The following DNAAF9 variants were observed in gnomAD, a reference collection of about 807,000 sequenced individuals.
DNAAF9 encodes shulin.
In DNAAF9, 90 loss-of-function variants were observed where a neutral mutation model predicts 167.0. The observed-to-expected ratio is 0.54, with a 90% CI of 0.45 to 0.64. The LOEUF is 0.64. Ranked by LOEUF, DNAAF9 falls within the 30% of genes least tolerant of loss-of-function variation. The probability of loss-of-function intolerance (pLI) is 0.00; values close to 1 mark genes in which losing one functional copy is unlikely to be tolerated. For missense variants in DNAAF9, 1,315 were observed against 1,442.2 expected, an observed-to-expected ratio of 0.91 and a Z score of 1.43; for synonymous variants, 491 against 508.8, an observed-to-expected ratio of 0.96 and a Z score of 0.47.
At chr20:3,282,291 A>G (rs1343444681) in intron 27 of DNAAF9, among the ~76,000 whole-genome samples, 1 of 151,704 alleles carries the variant, frequency 6.6e-6, no homozygotes, top group Non-Finnish European at 1.5e-5. Flanking sequence ...CAGCAGATGG[A>G]CTCTACTCTT....
At chr20:3,350,409 ATG>A (rs2070299190) in intron 7 of DNAAF9, among the ~76,000 whole-genome samples, 2 of 152,240 alleles carry the variant, frequency 1.3e-5, no homozygotes, top group African/African-American at 2.4e-5. Flanking sequence ...ACAAAAAAAA[ATG>A]TGTGTGTGTA....
intron 20 of DNAAF9, among the ~76,000 whole-genome samples, chr20:3,308,758 C>T (rs1440565872): frequency 6.6e-6 from 1 of 151,498 alleles, no homozygotes; most frequent in African/African-American, 2.4e-5. Flanking sequence ...GGGAGCTTCA[C>T]GTGAGGCCTG....
chr20:3,304,835 G>A (rs2069260728), intron 20 of DNAAF9, among the ~76,000 whole-genome samples: 1 of 152,138 alleles, frequency 6.6e-6, no homozygotes, highest in African/African-American at 2.4e-5. Context: ...TATCTTCCAC[G>A]GAAACACACT....
chr20:3,265,440 G>A (rs1003826331), intron 30 of DNAAF9, among the ~76,000 whole-genome samples: 22 of 151,364 alleles, frequency 1.5e-4, no homozygotes, highest in Middle Eastern at 3.4e-3. Flanking sequence ...GGTGGCACGC[G>A]CCTGTAGTCC....
chr20:3,352,865 C>T (rs960969574), intron 7 of DNAAF9, among the ~76,000 whole-genome samples: 3 of 131,504 alleles, frequency 2.3e-5, no homozygotes, highest in Non-Finnish European at 5.0e-5. Flanking sequence ...TATATATATG[C>T]ATAAATATAT....
intron 32 of DNAAF9, 56 bp from the exon 33 acceptor site, chr20:3,259,610 G>T: frequency 8.2e-7 from 1 of 1,221,240 alleles, no homozygotes; most frequent in Non-Finnish European, 1.2e-6. Flanking sequence ...GCCAAATTCA[G>T]GACAGCACAG....
At chr20:3,350,132 G>GACACACACAC (rs1306670611) in intron 7 of DNAAF9, among the ~76,000 whole-genome samples, 29 of 137,550 alleles carry the variant, frequency 2.1e-4, no homozygotes, top group Non-Finnish European at 3.5e-4. Context: ...CAGACACACA[G>GACACACACAC]ACACACAGAC....
At chr20:3,328,641 A>G (rs1460902059) in intron 12 of DNAAF9, among the ~76,000 whole-genome samples, 2 of 152,142 alleles carry the variant, frequency 1.3e-5, no homozygotes. Context: ...TAGCATAAGG[A>G]TCCAGGACAG....
chr20:3,330,606 C>G (rs2069808288), intron 12 of DNAAF9, 40 bp downstream of exon 12: 1 of 1,331,330 alleles, frequency 7.5e-7, no homozygotes, highest in African/African-American at 1.5e-5. Flanking sequence ...AACTGAGTAA[C>G]TCAACTTTGA....
At chr20:3,328,939 G>A (rs900892382) in intron 12 of DNAAF9, among the ~76,000 whole-genome samples, 2 of 146,876 alleles carry the variant, frequency 1.4e-5, no homozygotes, top group African/African-American at 2.5e-5. Context: ...GCGCTATCTC[G>A]GCTCACTGCA....
chr20:3,298,123 A>C lies in DNAAF9; in HGVS notation c.1835T>G (p.Leu612Arg). The change falls in exon 22 of 37, where the codon CTT becomes CGT. Residue 612 changes from leucine (L) to arginine (R), a missense_variant. Physicochemically the swap from Leu to Arg is moderately radical, Grantham distance 102. This residue lies in a region of DNAAF9 where 981 missense variants were observed against 1,012.5 expected (regional missense o/e 0.97). Coordinates refer to ENST00000252032, the MANE Select transcript of DNAAF9 (RefSeq NM_001009984.3). ...ALLIDFKSSL[L>R]PHLPVHFHGS... ...ATGGAAATGAACTGGGAGGTGAGGA[A>C]GCAATGAGCTTTTGAAGTCTATGAG... The C allele has an allele frequency of 6.2e-7, 1 of 1,613,250 alleles. No individual in the cohort carries two copies. Among genetic ancestry groups the C allele is most frequent in the East Asian group, 2.2e-5 (1 of 44,876 alleles).
chr20:3,363,808 G>A (rs879859677), intron 6 of DNAAF9, among the ~76,000 whole-genome samples: 17 of 151,828 alleles, frequency 1.1e-4, no homozygotes, highest in Non-Finnish European at 2.4e-4. Context: ...CTACTGCTAT[G>A]GCTTCAAATT....
chr20:3,381,068 AC>A (rs2083644266), intron 3 of DNAAF9, among the ~76,000 whole-genome samples: 1 of 152,214 alleles, frequency 6.6e-6, no homozygotes, highest in African/African-American at 2.4e-5. Flanking sequence ...TGTAATCTGA[AC>A]CGTTAGCATG....
intron 23 of DNAAF9, 39 bp from the exon 24 acceptor site, chr20:3,294,668 C>T (rs542874979): frequency 7.6e-7 from 1 of 1,323,804 alleles, no homozygotes; most frequent in East Asian, 2.3e-5. Context: ...AGTCCATCTT[C>T]CTTCAGCATA....
chr20:3,362,205 G>A (rs1410364984), intron 6 of DNAAF9: 13 of 1,434,606 alleles, frequency 9.1e-6, no homozygotes, highest in Admixed American at 3.4e-5. Context: ...TCATGTCTTC[G>A]TAATCTTCTA....
In DNAAF9 at chr20:3,294,345, T is replaced by C. The variant is rs1248928669; in HGVS notation, c.2121-89A>G. 6.5e-6 allele frequency: 6 copies of C among 919,160 alleles called. No individual in the cohort carries two copies. In the East Asian group the frequency reaches 1.2e-4, roughly 19 times the overall value. The allele number at this position is 919,160 out of a possible 1,614,324, so 56.9% of individuals were successfully genotyped here. A position where few individuals can be genotyped will look rare whatever the true frequency, so the allele number is the denominator to read the frequency against. On this transcript the variant is annotated intron_variant, in intron 24 of 36. Transcript: ENST00000252032. ...CATGAAAAAGTTTTTACTTAATTGC[T>C]GAAAAATAAACCTTGGAGAGATTCT...
At chr20:3,352,404 C>T (rs893034808) in intron 7 of DNAAF9, among the ~76,000 whole-genome samples, 3 of 152,194 alleles carry the variant, frequency 2.0e-5, no homozygotes, top group Non-Finnish European at 4.4e-5. Context: ...CCCTTCTGGA[C>T]TCTGGAGATA....
Position 3,360,819 on chromosome 20 carries a change from G to A in DNAAF9, c.613-1226C>T, listed in dbSNP as rs531930094. Among the ~76,000 whole-genome samples, 3 of 152,320 alleles carry A rather than the reference G, an allele frequency of 2.0e-5. No homozygotes were observed. In the East Asian group the frequency reaches 5.8e-4, roughly 29 times the overall value. On this transcript the variant is annotated intron_variant, in intron 6 of 36. Coordinates refer to ENST00000252032, the MANE Select transcript of DNAAF9 (RefSeq NM_001009984.3). ...TTTTTAAAAGCAAAAGCCATTACAT[G>A]AAAGTAAAACAATTCAGAAGGATCA... is the stretch of plus-strand genomic sequence containing the variant.
intron 20 of DNAAF9, among the ~76,000 whole-genome samples, chr20:3,312,764 T>C (rs78813645): frequency 0.053 from 8,093 of 152,178 alleles, 361 homozygotes; most frequent in African/African-American, 0.13. Context: ...AAAACCTACA[T>C]CAGCTCCTGA....
Sources: gnomAD v4.1 joint callset for allele counts (sites outside exome capture counted in the v4.1 genomes callset) on GRCh38, gnomAD v4.1.1 for gene constraint, gnomAD v4.1.1 regional missense constraint, MANE v1.5 for transcripts, NCBI Gene and HGNC (gene_info 2026-07-23, HGNC 2026-07-21) for gene names.